The following NXPH1 variants were observed in gnomAD, a reference collection of about 807,000 sequenced individuals.
The protein encoded by NXPH1 is neurexophilin-1.
A neutral mutation model predicts 23.7 loss-of-function variants in NXPH1; 5 were observed. The observed-to-expected ratio is 0.21, with a 90% confidence interval of 0.11 to 0.44. The LOEUF (loss-of-function observed/expected upper bound fraction) is 0.44, where lower values mean the gene tolerates loss of function less well. Among genes scored for constraint, NXPH1 ranks in the 20% least tolerant of loss-of-function variants. The pLI, the probability that NXPH1 is intolerant of heterozygous loss-of-function variation, is 0.99. For missense variants in NXPH1, 324 were observed against 321.6 expected, an observed-to-expected ratio of 1.01 and a Z score of -0.06; for synonymous variants, 144 against 122.2, an observed-to-expected ratio of 1.18 and a Z score of -1.18.
intron 2 of NXPH1, among the ~76,000 whole-genome samples, chr7:8,503,334 T>C (rs1428479005): frequency 2.0e-5 from 3 of 151,958 alleles, no homozygotes; most frequent in Admixed American, 6.6e-5. Context: ...AACCTGAGTA[T>C]TTTGACTCCA....
chr7:8,701,007 A>C (rs1362747863), intron 2 of NXPH1, among the ~76,000 whole-genome samples: 1 of 152,078 alleles, frequency 6.6e-6, no homozygotes, highest in African/African-American at 2.4e-5. Context: ...TTTTTGGAAC[A>C]CAGCCACACT....
At chr7:8,444,419 C>G (rs1816361544) in intron 2 of NXPH1, among the ~76,000 whole-genome samples, 1 of 152,240 alleles carries the variant, frequency 6.6e-6, no homozygotes, top group Admixed American at 6.5e-5. Context: ...TTTTCTAGGA[C>G]TGGGTATAGG....
chr7:8,748,200 T>C (rs1562473845), intron 2 of NXPH1, among the ~76,000 whole-genome samples: 1 of 152,226 alleles, frequency 6.6e-6, no homozygotes, highest in South Asian at 2.1e-4. Flanking sequence ...ATTTTGCTGT[T>C]ATTAGTCATT....
chr7:8,738,607 C>A (rs1780303871), intron 2 of NXPH1, among the ~76,000 whole-genome samples: 3 of 152,106 alleles, frequency 2.0e-5, no homozygotes, highest in Admixed American at 2.0e-4. Context: ...GAGTGAGGGA[C>A]CCACTTGAGG....
chr7:8,655,374 G>C (rs1456737074), intron 2 of NXPH1, among the ~76,000 whole-genome samples: 1 of 143,112 alleles, frequency 7.0e-6, no homozygotes, highest in Non-Finnish European at 1.5e-5. Flanking sequence ...GACAAAGGGA[G>C]TCTGTCTCTG....
intron 2 of NXPH1, among the ~76,000 whole-genome samples, chr7:8,730,430 T>C (rs1780130858): frequency 6.6e-6 from 1 of 151,848 alleles, no homozygotes; most frequent in Non-Finnish European, 1.5e-5. Context: ...AGTTTCTTCC[T>C]AGTCTTGATG....
chr7:8,743,604 T>G (rs905405772), intron 2 of NXPH1, among the ~76,000 whole-genome samples: 3 of 152,124 alleles, frequency 2.0e-5, no homozygotes, highest in Non-Finnish European at 4.4e-5. Flanking sequence ...TGAGATGATA[T>G]TAGAACAAGC....
intron 2 of NXPH1, among the ~76,000 whole-genome samples, chr7:8,657,474 C>T (rs547925660): frequency 5.4e-4 from 82 of 152,206 alleles, no homozygotes; most frequent in African/African-American, 1.8e-3. Flanking sequence ...GGAAACAAGG[C>T]GAAAGTAGAG....
At position 8,565,921 on chromosome 7, in the gene NXPH1, C is replaced by G. The variant is rs554012458; in HGVS notation, c.54+130154C>G. Among the ~76,000 whole-genome samples the G allele has an allele frequency of 5.3e-5, 8 of 151,886 alleles. No individual in the cohort carries two copies. The South Asian group carries it at 1.7e-3, about 31-fold the overall frequency. On this transcript the variant is annotated intron_variant, in intron 2 of 2. Coordinates refer to ENST00000405863, the MANE Select transcript of NXPH1 (RefSeq NM_152745.3). ...TATTCTCCCACAAACCTCACTGTAGCCTAACTCTCTTCCTTGAGTTAAGAA... is the reference window on the plus strand; with the variant it reads ...TATTCTCCCACAAACCTCACTGTAGGCTAACTCTCTTCCTTGAGTTAAGAA...
intron 2 of NXPH1, among the ~76,000 whole-genome samples, chr7:8,498,940 T>C (rs1817385345): frequency 6.6e-6 from 1 of 152,082 alleles, no homozygotes; most frequent in African/African-American, 2.4e-5. Flanking sequence ...ATTAAATAAA[T>C]GTCATATATT....
chr7:8,751,945 G>C lies in NXPH1; in HGVS notation c.*176G>C, dbSNP rs1780572316. 3 of 601,638 alleles carry C rather than the reference G, an allele frequency of 5.0e-6. No individual in the cohort carries two copies. The highest frequency in any genetic ancestry group is 6.1e-5 in the Admixed American group (2 of 33,052). The allele number at this position is 601,638 out of a possible 1,614,324, so 37.3% of individuals were successfully genotyped here. ...CTCTGATGTAATTTCTGCCCAGTCA[G>C]CTTCATCCCTCAGTATAATTGTAAA... On this transcript the variant is annotated 3_prime_UTR_variant, in exon 3 of 3. Transcript: ENST00000405863. This position sits in a 1 kb window ranked among gnomAD's most constrained non-coding sequence, Gnocchi z 4.5.
intron 2 of NXPH1, among the ~76,000 whole-genome samples, chr7:8,702,638 C>G (rs1478863707): frequency 1.3e-5 from 2 of 152,012 alleles, no homozygotes; most frequent in African/African-American, 4.8e-5. Flanking sequence ...TTAGTGTGGA[C>G]AATAATGGTG....
At chr7:8,504,002 A>C (rs951716662) in intron 2 of NXPH1, among the ~76,000 whole-genome samples, 1 of 151,950 alleles carries the variant, frequency 6.6e-6, no homozygotes, top group Non-Finnish European at 1.5e-5. Flanking sequence ...ACTAGTGCCT[A>C]TTCTTCTGCC....
At chr7:8,718,794 T>G (rs1779918460) in intron 2 of NXPH1, among the ~76,000 whole-genome samples, 1 of 152,220 alleles carries the variant, frequency 6.6e-6, no homozygotes, top group African/African-American at 2.4e-5. Context: ...GCTTTGTCAT[T>G]TAAGTGGCAC....
rs545275333 is a variant in NXPH1 at position 8,744,495 on chromosome 7, C to G, written c.55-6513C>G. 2.6e-5 allele frequency among the ~76,000 whole-genome samples: 4 copies of G among 152,306 alleles called. No individual in the cohort carries two copies. In the East Asian group the frequency reaches 7.7e-4, roughly 29 times the overall value. On this transcript the variant is annotated intron_variant, in intron 2 of 2. Coordinates refer to ENST00000405863, the MANE Select transcript of NXPH1 (RefSeq NM_152745.3). ...AACTGGCTCCTCTTCTGCCTGTCCT[C>G]AAAGTGCTAACATTTTTAAAGATAT...
chr7:8,438,162 T>C (rs757256163), intron 2 of NXPH1, among the ~76,000 whole-genome samples: 1 of 152,226 alleles, frequency 6.6e-6, no homozygotes, highest in Non-Finnish European at 1.5e-5. Flanking sequence ...GGGATGGTTT[T>C]AGGCAAATAA....
At chr7:8,463,018 C>G (rs1816721056) in intron 2 of NXPH1, among the ~76,000 whole-genome samples, 1 of 152,194 alleles carries the variant, frequency 6.6e-6, no homozygotes, top group Admixed American at 6.5e-5. Context: ...AGATTCCTTT[C>G]TCTTTTGTAA....
At chr7:8,460,199 T>G (rs920047327) in intron 2 of NXPH1, among the ~76,000 whole-genome samples, 1 of 152,178 alleles carries the variant, frequency 6.6e-6, no homozygotes, top group Non-Finnish European at 1.5e-5. Flanking sequence ...ATATAAAATT[T>G]GTGCTTGCTT....
chr7:8,601,088 A>G (rs1481801316), intron 2 of NXPH1, among the ~76,000 whole-genome samples: 1 of 152,154 alleles, frequency 6.6e-6, no homozygotes, highest in Non-Finnish European at 1.5e-5. Context: ...CAGGAACTTG[A>G]GCATCCCCAA....
Sources: allele counts gnomAD v4.1 joint callset (sites outside exome capture counted in the v4.1 genomes callset), GRCh38; gene constraint gnomAD v4.1.1; non-coding constraint Gnocchi (gnomAD v3.1); transcripts MANE v1.5; gene names NCBI Gene and HGNC (gene_info 2026-07-23, HGNC 2026-07-21).